The following DMD variants were observed in gnomAD, a reference collection of about 807,000 sequenced individuals.
DMD encodes mutant dystrophin.
In DMD, 63 loss-of-function variants were observed where a neutral mutation model predicts 330.1. The observed-to-expected ratio is 0.19, with a 90% CI of 0.16 to 0.24. The LOEUF (loss-of-function observed/expected upper bound fraction) is 0.24, where lower values mean the gene tolerates loss of function less well. Ranked by LOEUF, DMD falls within the 10% of genes least tolerant of loss-of-function variation. The pLI, the probability that DMD is intolerant of heterozygous loss-of-function variation, is 1.00. For synonymous variants in DMD, 1,223 were observed against 959.8 expected (o/e 1.27, Z -5.07); for missense variants, 3,344 against 2,684.1 (o/e 1.25, Z -5.43).
chrX:32,720,654 T>A (rs1416131829), intron 7 of DMD, among the ~76,000 whole-genome samples: 1 of 111,786 alleles, frequency 8.9e-6, no homozygotes, highest in Admixed American at 9.5e-5. Context: ...ATCTGACATA[T>A]TTTAGATAAA....
At chrX:32,060,400 T>A (rs1328776395) in intron 44 of DMD, among the ~76,000 whole-genome samples, 1 of 111,488 alleles carries the variant, frequency 9.0e-6, no homozygotes, top group Non-Finnish European at 1.9e-5. Context: ...TATTGAAAAT[T>A]CAGAGGGCAG....
At chrX:32,993,378 C>A (rs1162344722) in intron 2 of DMD, among the ~76,000 whole-genome samples, 3 of 110,230 alleles carry the variant, frequency 2.7e-5, no homozygotes, top group Non-Finnish European at 5.7e-5. Flanking sequence ...CTGAGGCGGG[C>A]GGACTGCCTG....
chrX:32,678,711 C>A (rs938775284), intron 9 of DMD, among the ~76,000 whole-genome samples: 4 of 111,509 alleles, frequency 3.6e-5, no homozygotes, highest in African/African-American at 1.3e-4. Context: ...TTCCCTGCCC[C>A]ATGACCAAAA....
intron 7 of DMD, among the ~76,000 whole-genome samples, chrX:32,699,497 A>C (rs1216257132): frequency 8.9e-6 from 1 of 112,012 alleles, no homozygotes; most frequent in East Asian, 2.8e-4. Flanking sequence ...ATGAGCAGTA[A>C]AGTTAATTTA....
chrX:31,308,216 G>A, intron 62 of DMD, among the ~76,000 whole-genome samples: 1 of 112,039 alleles, frequency 8.9e-6, no homozygotes, highest in East Asian at 2.8e-4. Flanking sequence ...AACAATGCTG[G>A]CTCCTGAAGA....
At chrX:33,184,046 C>T (rs886358080) in intron 1 of DMD, among the ~76,000 whole-genome samples, 2 of 111,227 alleles carry the variant, frequency 1.8e-5, no homozygotes, top group Non-Finnish European at 3.8e-5. Flanking sequence ...GAATAGGGAG[C>T]TAAGGAGTCT....
At chrX:32,052,758 A>G (rs6631472) in intron 44 of DMD, among the ~76,000 whole-genome samples, 28,196 of 110,114 alleles carry the variant, frequency 0.26, 3,438 homozygotes, top group African/African-American at 0.47. Flanking sequence ...AGCATACTGA[A>G]GGAAATCTAA....
At chrX:32,247,150 TAAGTA>T (rs71913119) in intron 43 of DMD, among the ~76,000 whole-genome samples, 2,190 of 111,966 alleles carry the variant, frequency 0.02, 47 homozygotes, top group African/African-American at 0.067. Context: ...AAGACATATA[TAAGTA>T]AAGAGAACAG....
rs191824414 is a variant in DMD, at chrX:32,987,242, T to C, written c.93+32897A>G. Among the ~76,000 whole-genome samples the C allele has an allele frequency of 3.6e-5, 4 of 112,128 alleles. No individual in the cohort carries two copies. The East Asian group carries it at 1.1e-3, about 32-fold the overall frequency. On this transcript the variant is annotated intron_variant, in intron 2 of 78. Transcript: ENST00000357033. Reference sequence around the variant, plus strand: ...AGGACTGTGACATCAACAGTAAAGCTAGACGGATCAAAAGGTGCCTCCAAT... The same window carrying C: ...AGGACTGTGACATCAACAGTAAAGCCAGACGGATCAAAAGGTGCCTCCAAT...
At chrX:32,731,533 C>G (rs966904533) in intron 7 of DMD, among the ~76,000 whole-genome samples, 3 of 112,381 alleles carry the variant, frequency 2.7e-5, no homozygotes, top group African/African-American at 9.7e-5. Flanking sequence ...TTGAAGAGAG[C>G]AGTGGTTCTC....
chrX:33,265,612 T>C (rs1408258029), intron 1 of DMD, among the ~76,000 whole-genome samples: 1 of 111,468 alleles, frequency 9.0e-6, no homozygotes, highest in African/African-American at 3.3e-5. Context: ...TCCCATTCTA[T>C]GATTCAGTCT....
At chrX:31,256,889 A>C (rs931011699) in intron 63 of DMD, among the ~76,000 whole-genome samples, 2 of 110,419 alleles carry the variant, frequency 1.8e-5, no homozygotes, top group African/African-American at 3.3e-5. Context: ...CAAACATCTA[A>C]CTGTAAATAA....
At chrX:31,734,170 CAT>C (rs1018202289) in intron 51 of DMD, among the ~76,000 whole-genome samples, 45 of 110,670 alleles carry the variant, frequency 4.1e-4, no homozygotes, top group African/African-American at 1.4e-3. Context: ...ATCATTTTAT[CAT>C]TCTCTCTGTG....
chrX:31,540,891 A>G (rs1004929158), intron 55 of DMD, among the ~76,000 whole-genome samples: 2 of 112,193 alleles, frequency 1.8e-5, no homozygotes, highest in Non-Finnish European at 3.8e-5. Context: ...AAAAGATCTT[A>G]ATTTCCAAAA....
chrX:32,921,355 A>G (rs5928116), intron 2 of DMD, among the ~76,000 whole-genome samples: 5,760 of 111,799 alleles, frequency 0.052, 126 homozygotes, highest in African/African-American at 0.086. Flanking sequence ...AATTGCTCTT[A>G]AATATTTGAA....
intron 1 of DMD, among the ~76,000 whole-genome samples, chrX:33,048,694 TAAAAAAAA>T (rs748856962): frequency 3.6e-4 from 13 of 35,621 alleles, no homozygotes; most frequent in Admixed American, 1.5e-3. Context: ...ACTCCCCATC[TAAAAAAAA>T]AAAAAAAAAA....
chrX:33,033,355 T>A (rs1175316592), intron 1 of DMD, among the ~76,000 whole-genome samples: 6 of 102,816 alleles, frequency 5.8e-5, no homozygotes, highest in Non-Finnish European at 9.9e-5. Context: ...AATAGATGAG[T>A]TTTGTCTATA....
chrX:31,715,265 C>G (rs367575710), intron 52 of DMD, among the ~76,000 whole-genome samples: 2 of 108,370 alleles, frequency 1.8e-5, no homozygotes, highest in African/African-American at 6.8e-5. Flanking sequence ...TAAGAGCTGG[C>G]CGGGCGCGGT....
At chrX:31,758,215 G>C (rs772917444) in intron 51 of DMD, among the ~76,000 whole-genome samples, 2 of 107,558 alleles carry the variant, frequency 1.9e-5, no homozygotes, top group South Asian at 8.7e-4. Context: ...TTCCATAATA[G>C]TGTGCATATT....
Sources: allele counts gnomAD v4.1 joint callset (sites outside exome capture counted in the v4.1 genomes callset), GRCh38; gene constraint gnomAD v4.1.1; transcripts MANE v1.5; gene names NCBI Gene and HGNC (gene_info 2026-07-23, HGNC 2026-07-21).